Variants in KDM4C observed in about 807,000 individuals in gnomAD.
KDM4C encodes the protein lysine-specific demethylase 4C.
Under a neutral mutation model 129.3 loss-of-function variants are expected in KDM4C, and 81 were observed. That is an observed-to-expected ratio of 0.63 (90% CI 0.52 to 0.75). KDM4C has a LOEUF of 0.75. Ranked by LOEUF, KDM4C falls within the 30% of genes least tolerant of loss-of-function variation. The probability of loss-of-function intolerance (pLI) is 0.00; values close to 1 mark genes in which losing one functional copy is unlikely to be tolerated. For missense variants in KDM4C, 1,457 were observed against 1,304.0 expected, an observed-to-expected ratio of 1.12 and a Z score of -1.81; for synonymous variants, 573 against 456.1, an observed-to-expected ratio of 1.26 and a Z score of -3.26.
At chr9:6,939,040 C>T (rs1464794307) in intron 8 of KDM4C, among the ~76,000 whole-genome samples, 2 of 151,544 alleles carry the variant, frequency 1.3e-5, no homozygotes, top group African/African-American at 2.4e-5. Flanking sequence ...GGTCCCCAAC[C>T]CCTGAGCCAC....
chr9:6,738,088 A>T (rs181388396), intron 1 of KDM4C, among the ~76,000 whole-genome samples: 6 of 151,980 alleles, frequency 3.9e-5, no homozygotes, highest in Non-Finnish European at 7.4e-5. Context: ...GAGGGAGATC[A>T]CACCATTGCA....
Position 6,775,482 on chromosome 9 carries a change from T to C in KDM4C, c.-18+17279T>C, listed in dbSNP as rs192911871. On this transcript the variant is annotated intron_variant, in intron 1 of 21. Coordinates refer to ENST00000381309, the MANE Select transcript of KDM4C (RefSeq NM_015061.6). ...ATGCTGTAATGAACATTATTGTACA[T>C]GTCTATTGTTGAACTTACGCTAGAA... Among the ~76,000 whole-genome samples the C allele has an allele frequency of 1.3e-3, 197 of 152,254 alleles. 1 individual carries two copies. Among genetic ancestry groups the C allele is most frequent in the Admixed American group, 0.011 (163 of 15,280 alleles).
chr9:7,144,382 T>C (rs1432132462), intron 19 of KDM4C, among the ~76,000 whole-genome samples: 1 of 152,232 alleles, frequency 6.6e-6, no homozygotes, highest in African/African-American at 2.4e-5. Context: ...CTAGTTAAAA[T>C]TCTCCCCAAG....
intron 2 of KDM4C, among the ~76,000 whole-genome samples, chr9:6,801,191 C>T (rs1049005127): frequency 4.1e-5 from 6 of 147,580 alleles, no homozygotes; most frequent in African/African-American, 1.5e-4. Context: ...AAGACTTTAA[C>T]ACTCTTAGAA....
At chr9:7,128,823 G>C (rs923107921) in intron 19 of KDM4C, among the ~76,000 whole-genome samples, 1 of 152,104 alleles carries the variant, frequency 6.6e-6, no homozygotes, top group Admixed American at 6.5e-5. Context: ...TTGTTGGTCT[G>C]TCTCCATCTC....
chr9:7,111,467 AT>A (rs926279945), intron 18 of KDM4C, among the ~76,000 whole-genome samples: 19 of 151,404 alleles, frequency 1.3e-4, no homozygotes, highest in Non-Finnish European at 1.6e-4. Flanking sequence ...TTATCTTTTT[AT>A]TTTTTTTTAA....
At chr9:6,840,829 A>T (rs1019973070) in intron 4 of KDM4C, among the ~76,000 whole-genome samples, 3 of 152,114 alleles carry the variant, frequency 2.0e-5, no homozygotes, top group South Asian at 4.1e-4. Context: ...TTTCTTTCCA[A>T]TTCTATGTGA....
intron 2 of KDM4C, among the ~76,000 whole-genome samples, chr9:6,796,661 G>A (rs1045758848): frequency 1.4e-4 from 21 of 152,194 alleles, no homozygotes; most frequent in Admixed American, 3.9e-4. Flanking sequence ...ACACACCTGA[G>A]TCCAGACCGT....
rs7867412 is a variant in KDM4C at position 6,790,885 on chromosome 9, G to A, written c.-17-2087G>A. Among the ~76,000 whole-genome samples the A allele has an allele frequency of 6.4e-3, 974 of 152,174 alleles. 10 individuals carry two copies. Among genetic ancestry groups the A allele is most frequent in the African/African-American group, 0.022 (911 of 41,512 alleles). ...AGGAATCATCCTGTTTATTGACAGC[G>A]AGATTAAGCCTGTGTTTTCATAGTA... On this transcript the variant is annotated intron_variant, in intron 1 of 21. Transcript: ENST00000381309.
At chr9:6,909,351 A>G (rs1476063453) in intron 8 of KDM4C, among the ~76,000 whole-genome samples, 1 of 152,222 alleles carries the variant, frequency 6.6e-6, no homozygotes, top group African/African-American at 2.4e-5. Flanking sequence ...TACTGGACCC[A>G]AAAGGCTCTC....
intron 8 of KDM4C, among the ~76,000 whole-genome samples, chr9:6,955,590 G>C (rs1296176834): frequency 6.6e-6 from 1 of 152,150 alleles, no homozygotes; most frequent in African/African-American, 2.4e-5. Context: ...CTCTAGAAAA[G>C]GAAAACGTGA....
In KDM4C at chr9:6,829,740, T is replaced by C. The variant is rs537533541; in HGVS notation, c.435+14995T>C. Among the ~76,000 whole-genome samples the C allele has an allele frequency of 8.5e-5, 13 of 152,334 alleles. No homozygotes were observed. In the East Asian group the frequency reaches 2.3e-3, roughly 27 times the overall value. ...TCTTGGATTGGTGTCTGTTGAGGCC[T>C]CTGCTGGTCAGAAGGGCATTTCCCC... On this transcript the variant is annotated intron_variant, in intron 4 of 21. Coordinates refer to ENST00000381309, the MANE Select transcript of KDM4C (RefSeq NM_015061.6).
At position 6,916,748 on chromosome 9, in the gene KDM4C, A is replaced by C. The variant is rs144304473; in HGVS notation, c.921+23516A>C. Reference sequence around the variant, plus strand: ...TATTTTATTTCTGTTTTAAGCATTGAATGTTGCATACTTACTAAGAGGATT... The same window carrying C: ...TATTTTATTTCTGTTTTAAGCATTGCATGTTGCATACTTACTAAGAGGATT... On this transcript the variant is annotated intron_variant, in intron 8 of 21. Transcript: ENST00000381309. 4.3e-3 allele frequency among the ~76,000 whole-genome samples: 662 copies of C among 152,326 alleles called. 4 individuals are homozygous for C. The highest frequency in any genetic ancestry group is 5.2e-3 in the Non-Finnish European group (356 of 68,030).
intron 17 of KDM4C, among the ~76,000 whole-genome samples, chr9:7,085,009 A>G (rs2132977990): frequency 6.6e-6 from 1 of 152,362 alleles, no homozygotes; most frequent in Non-Finnish European, 1.5e-5. Flanking sequence ...ATGACATTTA[A>G]GAACTAAAAG....
chr9:7,101,144 C>A (rs550582994), intron 17 of KDM4C, among the ~76,000 whole-genome samples: 1 of 152,316 alleles, frequency 6.6e-6, no homozygotes, highest in South Asian at 2.1e-4. Context: ...CTGTTGTCCC[C>A]AGGCATGATT....
chr9:7,070,986 G>T (rs1354994419), intron 17 of KDM4C, among the ~76,000 whole-genome samples: 1 of 151,984 alleles, frequency 6.6e-6, no homozygotes, highest in Non-Finnish European at 1.5e-5. Flanking sequence ...AAGTTTTCAG[G>T]GGTACAAGGT....
chr9:7,065,492 CA>C (rs996604419), intron 17 of KDM4C, among the ~76,000 whole-genome samples: 1 of 151,692 alleles, frequency 6.6e-6, no homozygotes, highest in African/African-American at 2.4e-5. Flanking sequence ...TTGGACAAAG[CA>C]AAAAAGTATG....
At chr9:6,823,118 C>G (rs1833305792) in intron 4 of KDM4C, among the ~76,000 whole-genome samples, 1 of 152,172 alleles carries the variant, frequency 6.6e-6, no homozygotes. Flanking sequence ...ATCTATAACC[C>G]TAGATGGACC....
chr9:6,782,953 C>T (rs1824686004), intron 1 of KDM4C, among the ~76,000 whole-genome samples: 1 of 152,094 alleles, frequency 6.6e-6, no homozygotes, highest in Non-Finnish European at 1.5e-5. Context: ...GAAAGATGCT[C>T]AGGATGTTGA....
Sources: gnomAD v4.1 joint callset for allele counts (sites outside exome capture counted in the v4.1 genomes callset) on GRCh38, gnomAD v4.1.1 for gene constraint, MANE v1.5 for transcripts, NCBI Gene and HGNC (gene_info 2026-07-23, HGNC 2026-07-21) for gene names.